The following ATXN7L1 variants were observed in gnomAD, a reference collection of about 807,000 sequenced individuals.
ATXN7L1 encodes ataxin 7 like 1, also known as ataxin-7-like protein 1.
A neutral mutation model predicts 70.8 loss-of-function variants in ATXN7L1; 15 were observed. That is an observed-to-expected ratio of 0.21 (90% CI 0.14 to 0.33). The LOEUF (loss-of-function observed/expected upper bound fraction) is 0.33. Ranked by LOEUF, ATXN7L1 falls within the 10% of genes least tolerant of loss-of-function variation. ATXN7L1 has a pLI of 1.00. For missense variants in ATXN7L1, 975 were observed against 1,097.1 expected, an observed-to-expected ratio of 0.89 and a Z score of 1.57; for synonymous variants, 440 against 445.1, an observed-to-expected ratio of 0.99 and a Z score of 0.14.
At chr7:105,705,032 T>G (rs1173545721) in intron 3 of ATXN7L1, among the ~76,000 whole-genome samples, 1 of 151,896 alleles carries the variant, frequency 6.6e-6, no homozygotes, top group Non-Finnish European at 1.5e-5. Flanking sequence ...ATTTATTTAT[T>G]TATTTATTTT....
intron 3 of ATXN7L1, among the ~76,000 whole-genome samples, chr7:105,707,308 A>G (rs1721834527): frequency 6.6e-6 from 1 of 152,228 alleles, no homozygotes; most frequent in Non-Finnish European, 1.5e-5. Context: ...GTTTGTGGGA[A>G]GAAGTGGAGG....
At position 105,876,568 on chromosome 7, in the gene ATXN7L1, G is replaced by T. The variant is rs756034276; in HGVS notation, c.-10C>A. Reference sequence around the variant, plus strand: ...AACGCTCCGACGTCATCTTCGGAACGTTCCGACATTGAGTGTTCTGAAAGG... The same window carrying T: ...AACGCTCCGACGTCATCTTCGGAACTTTCCGACATTGAGTGTTCTGAAAGG... On this transcript the variant is annotated 5_prime_UTR_variant, in exon 1 of 12. Transcript: ENST00000419735. 4 of 1,358,584 alleles carry T rather than the reference G, an allele frequency of 2.9e-6. No individual in the cohort carries two copies. Among genetic ancestry groups the T allele is most frequent in the Non-Finnish European group, 3.9e-6 (4 of 1,018,804 alleles). The allele number at this position is 1,358,584 out of a possible 1,614,324, so 84.2% of individuals were successfully genotyped here.
At position 105,860,128 on chromosome 7, in the gene ATXN7L1, A is replaced by AAAAT. The variant is rs1480052421; in HGVS notation, c.250+15683_250+15684insATTT. Among the ~76,000 whole-genome samples the AAAAT allele has an allele frequency of 2.8e-5, 2 of 70,820 alleles. 1 individual carries two copies. Among genetic ancestry groups the AAAAT allele is most frequent in the African/African-American group, 1.1e-4 (2 of 18,068 alleles). The allele number at this position is 70,820 out of a possible 152,430, so 46.5% of individuals were successfully genotyped here. A position where few individuals can be genotyped will look rare whatever the true frequency, so the allele number is the denominator to read the frequency against. On this transcript the variant is annotated intron_variant, in intron 2 of 11. Coordinates refer to ENST00000419735, the MANE Select transcript of ATXN7L1 (RefSeq NM_020725.2). ...ATATACAGATAGATCTTTATATGTA[A>AAAAT]ATATATATATATATATATACATATA...
At chr7:105,658,523 C>CTTTTTT (rs36163594) in intron 4 of ATXN7L1, among the ~76,000 whole-genome samples, 1 of 107,424 alleles carries the variant, frequency 9.3e-6, no homozygotes, top group Non-Finnish European at 1.8e-5. Context: ...TGGCACATAA[C>CTTTTTT]TTTTTTTTTT....
chr7:105,614,288 G>A lies in ATXN7L1; in HGVS notation c.2046C>T (p.Ala682=), dbSNP rs1406205752. ...GPHKKNCVLN[A]SSALNSYQAA... is the part of the protein sequence containing the mutation. ...CCTGATAGGAGTTCAAAGCAGAACT[G>A]GCATTCAAAACACAGTTCTTTTTGT... Residue 682 remains alanine, a synonymous_variant, in exon 10 of 12, where the codon GCC becomes GCT. Transcript: ENST00000419735. The surrounding 1 kb of genome is among the most constrained non-coding windows in gnomAD (Gnocchi z 4.3). The A allele has an allele frequency of 6.4e-7, 1 of 1,551,958 alleles. No homozygotes were observed. The highest frequency in any genetic ancestry group is 2.0e-5 in the Admixed American group (1 of 51,012).
chr7:105,767,550 G>C (rs544492043), intron 3 of ATXN7L1, among the ~76,000 whole-genome samples: 2 of 152,220 alleles, frequency 1.3e-5, no homozygotes, highest in Admixed American at 1.3e-4. Context: ...GTGCCTTGCT[G>C]TGTTTAAGTG....
intron 2 of ATXN7L1, among the ~76,000 whole-genome samples, chr7:105,833,024 T>G (rs1406786462): frequency 1.3e-5 from 2 of 152,144 alleles, no homozygotes; most frequent in Non-Finnish European, 2.9e-5. Context: ...TCAGACCATG[T>G]CTCTCCTGAT....
intron 3 of ATXN7L1, among the ~76,000 whole-genome samples, chr7:105,673,922 T>C (rs1804192068): frequency 6.6e-6 from 1 of 152,206 alleles, no homozygotes; most frequent in Admixed American, 6.5e-5. Flanking sequence ...TCAGCCTTGC[T>C]CAGCAGAGGA....
rs1243362189 is a variant in ATXN7L1 at position 105,761,134 on chromosome 7, G to A, written c.355+27470C>T. 6 of 1,201,048 alleles carry A rather than the reference G, an allele frequency of 5.0e-6. No homozygotes were observed. In the East Asian group the frequency reaches 1.6e-4, roughly 32 times the overall value. 74.4% of individuals were successfully genotyped at this position (1,201,048 alleles called of 1,614,324 possible). ...GTTGTCCAGGTGGGAATTGATGGCA[G>A]CTTAGACCAGCTTTGTGGTGGTGAA... On this transcript the variant is annotated intron_variant, in intron 3 of 11. Transcript: ENST00000419735.
At chr7:105,761,220 T>A in intron 3 of ATXN7L1, 1 of 1,456,858 alleles carries the variant, frequency 6.9e-7, no homozygotes, top group Admixed American at 2.7e-5. Flanking sequence ...CCTTACTAGA[T>A]CCTGACACCA....
chr7:105,687,388 G>C (rs1790070114), intron 3 of ATXN7L1, among the ~76,000 whole-genome samples: 1 of 152,292 alleles, frequency 6.6e-6, no homozygotes, highest in East Asian at 1.9e-4. Flanking sequence ...TCTTTGAAGA[G>C]GTGACTAAGT....
rs577123986 is a variant in ATXN7L1, at chr7:105,732,559, C to T, written c.355+56045G>A. On this transcript the variant is annotated intron_variant, in intron 3 of 11. Transcript: ENST00000419735. ...TGATTTAGCAGCTTGGGACCATGGA[C>T]CCCCAAGGCCCCTCCAGCACCCAGG... Among the ~76,000 whole-genome samples the T allele has an allele frequency of 9.2e-5, 14 of 152,170 alleles. No individual in the cohort carries two copies. In the South Asian group the frequency reaches 2.7e-3, roughly 29 times the overall value.
intron 3 of ATXN7L1, among the ~76,000 whole-genome samples, chr7:105,733,836 G>T (rs1401260390): frequency 0.01 from 139 of 13,388 alleles, 1 homozygote; most frequent in Admixed American, 0.015. Flanking sequence ...CCCTCCATCC[G>T]TCCACCCATC....
rs1370408341 is a variant in ATXN7L1, at chr7:105,604,836, G to C, written c.*3016C>G. On this transcript the variant is annotated 3_prime_UTR_variant, in exon 12 of 12. Coordinates refer to ENST00000419735, the MANE Select transcript of ATXN7L1 (RefSeq NM_020725.2). ...TGACCAGCTACGTAAAACCCACAGA[G>C]TTTTGTTAAAGTGCCATGGGCCGAC... Among the ~76,000 whole-genome samples, 3 of 152,148 alleles carry C rather than the reference G, an allele frequency of 2.0e-5. No individual in the cohort carries two copies. The highest frequency in any genetic ancestry group is 4.4e-5 in the Non-Finnish European group (3 of 68,022).
chr7:105,874,354 C>A (rs1380770067), intron 2 of ATXN7L1, among the ~76,000 whole-genome samples: 1 of 152,078 alleles, frequency 6.6e-6, no homozygotes, highest in Non-Finnish European at 1.5e-5. Context: ...GGACACGTTG[C>A]CAGTAGCCTG....
chr7:105,656,422 C>T (rs1414449888), intron 4 of ATXN7L1, among the ~76,000 whole-genome samples: 2 of 152,154 alleles, frequency 1.3e-5, no homozygotes, highest in African/African-American at 4.8e-5. Flanking sequence ...AGGGGTGGTC[C>T]CCACTGTCAG....
At chr7:105,664,575 G>GTATATATATATATATATA (rs1554416470) in intron 4 of ATXN7L1, among the ~76,000 whole-genome samples, 3 of 131,986 alleles carry the variant, frequency 2.3e-5, no homozygotes, top group Admixed American at 7.4e-5. Context: ...GTATGTGTGT[G>GTATATATATATATATATA]TATATATATA....
chr7:105,816,646 G>A (rs2116553544), intron 2 of ATXN7L1, among the ~76,000 whole-genome samples: 1 of 152,338 alleles, frequency 6.6e-6, no homozygotes, highest in Non-Finnish European at 1.5e-5. Context: ...CACCATACCT[G>A]TTCCTGGCCC....
At chr7:105,616,900 A>G (rs1009926923) in intron 9 of ATXN7L1, among the ~76,000 whole-genome samples, 10 of 152,364 alleles carry the variant, frequency 6.6e-5, no homozygotes, top group Non-Finnish European at 1.5e-4. Context: ...GTTTGCTTAC[A>G]CTAAAGTATA....
Sources: gnomAD v4.1 joint callset for allele counts (sites outside exome capture counted in the v4.1 genomes callset) on GRCh38, gnomAD v4.1.1 for gene constraint, Gnocchi (gnomAD v3.1) non-coding constraint, MANE v1.5 for transcripts, NCBI Gene and HGNC (gene_info 2026-07-23, HGNC 2026-07-21) for gene names.